Variants in THSD7A observed in about 807,000 individuals in gnomAD.
THSD7A encodes the protein thrombospondin type 1 domain containing 7A, also known as thrombospondin type-1 domain-containing protein 7A.
A neutral mutation model predicts 231.3 loss-of-function variants in THSD7A; 96 were observed. That is an observed-to-expected ratio of 0.41 (90% CI 0.35 to 0.49). The LOEUF is 0.49. Among genes scored for constraint, THSD7A ranks in the 20% least tolerant of loss-of-function variants. THSD7A has a pLI of 0.05. For missense variants in THSD7A, 2,290 were observed against 2,070.2 expected (o/e 1.11, Z -2.06); for synonymous variants, 940 against 743.3 (o/e 1.26, Z -4.30).
At chr7:11,394,682 C>G (rs1783112774) in intron 23 of THSD7A, among the ~76,000 whole-genome samples, 1 of 152,150 alleles carries the variant, frequency 6.6e-6, no homozygotes, top group South Asian at 2.1e-4. Flanking sequence ...TGTGTTTGCT[C>G]CAGGCTTTTG....
intron 1 of THSD7A, among the ~76,000 whole-genome samples, chr7:11,788,012 C>G: frequency 6.6e-6 from 1 of 152,030 alleles, no homozygotes; most frequent in East Asian, 1.9e-4. Context: ...GCAAAGTTCA[C>G]ATATCCAAAA....
At chr7:11,606,065 T>C (rs1461188021) in intron 2 of THSD7A, among the ~76,000 whole-genome samples, 1 of 152,100 alleles carries the variant, frequency 6.6e-6, no homozygotes, top group Non-Finnish European at 1.5e-5. Context: ...CAAAATGTGA[T>C]CCATGAATGA....
At chr7:11,488,918 G>A (rs996497250) in intron 6 of THSD7A, among the ~76,000 whole-genome samples, 11 of 151,674 alleles carry the variant, frequency 7.3e-5, no homozygotes, top group East Asian at 5.8e-4. Flanking sequence ...CCCATCTCTC[G>A]CTGTCTTCCT....
chr7:11,597,621 C>T (rs1780410621), intron 2 of THSD7A, among the ~76,000 whole-genome samples: 1 of 152,182 alleles, frequency 6.6e-6, no homozygotes, highest in Non-Finnish European at 1.5e-5. Context: ...CAGATAACTA[C>T]TCTCCTTTTG....
intron 1 of THSD7A, among the ~76,000 whole-genome samples, chr7:11,796,110 T>C (rs1784118226): frequency 6.9e-6 from 1 of 145,978 alleles, no homozygotes; most frequent in African/African-American, 2.5e-5. Flanking sequence ...TACAAAAGTG[T>C]AACGATGTAG....
intron 1 of THSD7A, among the ~76,000 whole-genome samples, chr7:11,667,044 G>C (rs956951404): frequency 2.0e-5 from 3 of 151,938 alleles, no homozygotes; most frequent in Non-Finnish European, 1.5e-5. Context: ...AACATCCTTA[G>C]CTTTGTTCAC....
chr7:11,481,880 G>A lies in THSD7A; in HGVS notation c.1925C>T (p.Thr642Met), dbSNP rs185949384. ...PKDCVLSTWS[T>M]WSSCSHTCSG... ...GCAGGTGTGTGAGCAGGAGGACCAC[G>A]TAGACCATGTGCTGAGCACACAGTC... is the stretch of plus-strand genomic sequence containing the variant. The change falls in exon 7 of 28, where the codon ACG (threonine) becomes ATG (methionine). Residue 642 changes from threonine (T) to methionine (M), a missense_variant. By Grantham distance (81) the Thr-to-Met change is moderately conservative. Transcript: ENST00000423059. The A allele has an allele frequency of 3.7e-4, 603 of 1,613,728 alleles. 2 individuals carry two copies. The Admixed American group carries it at 4.8e-3, about 13-fold the overall frequency.
rs1583630029 is a variant in THSD7A, at chr7:11,377,187, G to A, written c.4802-530C>T. The A allele has an allele frequency of 6.6e-6, 1 of 151,938 alleles. No individual in the cohort carries two copies. Among genetic ancestry groups the A allele is most frequent in the African/African-American group, 2.4e-5 (1 of 41,396 alleles). 9.4% of individuals were successfully genotyped at this position (151,938 alleles called of 1,614,324 possible). On this transcript the variant is annotated intron_variant, in intron 26 of 27. Transcript: ENST00000423059. This position sits in a 1 kb window ranked among gnomAD's most constrained non-coding sequence, Gnocchi z 4.5. ...CTTTTATCTAGTCTGCACTTACAATGTGTTTTAAAATTGGCTGACAATGTC... is the reference window on the plus strand; with the variant it reads ...CTTTTATCTAGTCTGCACTTACAATATGTTTTAAAATTGGCTGACAATGTC...
intron 1 of THSD7A, among the ~76,000 whole-genome samples, chr7:11,704,840 G>A (rs539919748): frequency 6.6e-6 from 1 of 151,098 alleles, no homozygotes; most frequent in Admixed American, 6.6e-5. Flanking sequence ...GCCAAGTTGT[G>A]TGGTGGTTTG....
intron 4 of THSD7A, among the ~76,000 whole-genome samples, chr7:11,577,174 C>A (rs1054145363): frequency 1.3e-5 from 2 of 152,180 alleles, no homozygotes; most frequent in Admixed American, 6.5e-5. Flanking sequence ...AAGTCAATAG[C>A]TTTCCTAGTT....
intron 1 of THSD7A, among the ~76,000 whole-genome samples, chr7:11,762,096 G>A (rs58204711): frequency 0.031 from 4,775 of 152,060 alleles, 256 homozygotes; most frequent in African/African-American, 0.11. Flanking sequence ...GCTTTTTATC[G>A]CTGCATAGTA....
chr7:11,426,680 G>T lies in THSD7A; in HGVS notation c.3244-9C>A. On this transcript the variant is annotated splice_polypyrimidine_tract_variant and intron_variant, in intron 14 of 27. Coordinates refer to ENST00000423059, the MANE Select transcript of THSD7A (RefSeq NM_015204.3). ...AGAGTTCTTACCTGTGCCTGGAGTG[G>T]TGTTCAACAGGAATGATGAAAAGGG... 2.6e-6 allele frequency: 4 copies of T among 1,561,286 alleles called. No individual in the cohort carries two copies. The highest frequency in any genetic ancestry group is 3.4e-6 in the Non-Finnish European group (4 of 1,159,776).
Position 11,541,526 on chromosome 7 carries a change from G to C in THSD7A, c.1715C>G (p.Ala572Gly), listed in dbSNP as rs1789148001. 1.7e-5 allele frequency: 28 copies of C among 1,613,912 alleles called. No individual in the cohort carries two copies. The highest frequency in any genetic ancestry group is 2.4e-5 in the Non-Finnish European group (28 of 1,179,852). ...LLEAIPCEEP[A>G]CYDWKAVRLG... ...TCTCACTGCTTTCCAGTCATAACAG[G>C]CAGGCTCTTCACAGGGAATGGCTTC... is the stretch of plus-strand genomic sequence containing the variant. The change falls in exon 6 of 28, where the codon GCC (alanine) becomes GGC (glycine). Residue 572 changes from alanine (A) to glycine (G), a missense_variant. Coordinates refer to ENST00000423059, the MANE Select transcript of THSD7A (RefSeq NM_015204.3).
chr7:11,496,510 G>C (rs61590731), intron 6 of THSD7A, among the ~76,000 whole-genome samples: 14,186 of 152,158 alleles, frequency 0.093, 747 homozygotes, highest in African/African-American at 0.14. Flanking sequence ...CTGGGGTTTA[G>C]GGCTGAGACA....
At chr7:11,653,814 A>C (rs1324363551) in intron 1 of THSD7A, among the ~76,000 whole-genome samples, 1 of 151,948 alleles carries the variant, frequency 6.6e-6, no homozygotes, top group Non-Finnish European at 1.5e-5. Flanking sequence ...TGTGCACTAA[A>C]ATAAGTATCA....
intron 23 of THSD7A, among the ~76,000 whole-genome samples, chr7:11,397,439 A>T (rs1281433546): frequency 6.6e-6 from 1 of 152,144 alleles, no homozygotes; most frequent in Non-Finnish European, 1.5e-5. Flanking sequence ...TAAACCCAAG[A>T]CCTAAAACCG....
intron 2 of THSD7A, among the ~76,000 whole-genome samples, chr7:11,608,625 C>T (rs6977236): frequency 0.098 from 14,855 of 152,024 alleles, 2,080 homozygotes; most frequent in African/African-American, 0.3. Context: ...ATTTATAATT[C>T]GTAAAAATAT....
chr7:11,656,398 A>G (rs964042080), intron 1 of THSD7A, among the ~76,000 whole-genome samples: 1 of 151,862 alleles, frequency 6.6e-6, no homozygotes, highest in Non-Finnish European at 1.5e-5. Context: ...TTGTCTGCTA[A>G]GGTACAACGG....
intron 6 of THSD7A, among the ~76,000 whole-genome samples, chr7:11,517,652 C>A (rs753203923): frequency 2.6e-5 from 4 of 152,086 alleles, no homozygotes; most frequent in African/African-American, 9.7e-5. Context: ...ACAACTACAC[C>A]ATTTTTAACA....
Sources: allele counts gnomAD v4.1 joint callset (sites outside exome capture counted in the v4.1 genomes callset), GRCh38; gene constraint gnomAD v4.1.1; non-coding constraint Gnocchi (gnomAD v3.1); transcripts MANE v1.5; gene names NCBI Gene and HGNC (gene_info 2026-07-23, HGNC 2026-07-21).